Variants in RGMA observed in about 807,000 individuals in gnomAD.
RGMA encodes the protein repulsive guidance molecule A.
In RGMA, 10 loss-of-function variants were observed where a neutral mutation model predicts 23.2. The observed-to-expected ratio is 0.43, with a 90% CI of 0.27 to 0.73. RGMA has a LOEUF of 0.73. Among genes scored for constraint, RGMA ranks in the 30% least tolerant of loss-of-function variants. RGMA has a pLI of 0.20. For missense variants in RGMA, 547 were observed against 630.5 expected, an observed-to-expected ratio of 0.87 and a Z score of 1.42; for synonymous variants, 308 against 279.3, an observed-to-expected ratio of 1.10 and a Z score of -1.03.
At chr15:93,067,679 C>A (rs1895200776) in intron 2 of RGMA, among the ~76,000 whole-genome samples, 1 of 151,786 alleles carries the variant, frequency 6.6e-6, no homozygotes, top group Admixed American at 6.6e-5. Flanking sequence ...TATGGGGAGG[C>A]AAGCAGGGAG....
At chr15:93,047,298 A>C (rs979442727) in intron 3 of RGMA, among the ~76,000 whole-genome samples, 3 of 152,132 alleles carry the variant, frequency 2.0e-5, no homozygotes, top group Admixed American at 6.5e-5. Flanking sequence ...TGGGAGAGAA[A>C]AAACCACCCC....
At chr15:93,060,833 C>A (rs1183733407) in intron 2 of RGMA, among the ~76,000 whole-genome samples, 1 of 152,260 alleles carries the variant, frequency 6.6e-6, no homozygotes, top group Non-Finnish European at 1.5e-5. Context: ...CTCTGGACAG[C>A]TCCAGCTGTG....
intron 3 of RGMA, among the ~76,000 whole-genome samples, chr15:93,047,335 G>A (rs1422425443): frequency 6.6e-6 from 1 of 152,212 alleles, no homozygotes; most frequent in African/African-American, 2.4e-5. Flanking sequence ...CCAGGTGTCA[G>A]CTGTTTTGCC....
In RGMA at chr15:93,045,696, T is replaced by C. The variant is rs1215895515; in HGVS notation, c.655A>G (p.Ile219Val). The C allele has an allele frequency of 6.2e-7, 1 of 1,602,516 alleles. No homozygotes were observed. Among genetic ancestry groups the C allele is most frequent in the East Asian group, 2.2e-5 (1 of 44,842 alleles). ...ACACACTCCTGGAAGTTCTTGAAGATGATGGTGAGCTGCCGGGGAAAGGGG... is the reference window on the plus strand; with the variant it reads ...ACACACTCCTGGAAGTTCTTGAAGACGATGGTGAGCTGCCGGGGAAAGGGG... ...AATATSKLTI[I>V]FKNFQECVDQ... is the part of the protein sequence containing the mutation. The change falls in exon 4 of 4, where the codon ATC (isoleucine) becomes GTC (valine). Residue 219 changes from isoleucine (I) to valine (V), a missense_variant. Coordinates refer to ENST00000329082, the MANE Select transcript of RGMA (RefSeq NM_020211.3). The surrounding 1 kb of genome is among the most constrained non-coding windows in gnomAD (Gnocchi z 6.9).
At chr15:93,064,528 A>G (rs949599781) in intron 2 of RGMA, among the ~76,000 whole-genome samples, 14 of 152,166 alleles carry the variant, frequency 9.2e-5, no homozygotes, top group African/African-American at 3.4e-4. Flanking sequence ...GTGTGGGGGA[A>G]GAACAAATGC....
chr15:93,063,471 G>A (rs962351612), intron 2 of RGMA, among the ~76,000 whole-genome samples: 6 of 152,162 alleles, frequency 3.9e-5, no homozygotes, highest in Admixed American at 6.5e-5. Context: ...GCAGTATTCG[G>A]GAGTCTCTGA....
At position 93,043,989 on chromosome 15, in the gene RGMA, T is replaced by C. The variant is rs2054769243; in HGVS notation, c.*1009A>G. 1.3e-5 allele frequency: 2 copies of C among 152,250 alleles called. No homozygotes were observed. Among genetic ancestry groups the C allele is most frequent in the South Asian group, 4.1e-4 (2 of 4,832 alleles). The allele number at this position is 152,250 out of a possible 1,614,324, so 9.4% of individuals were successfully genotyped here. Reference sequence around the variant, plus strand: ...GGCCACAGGGCTTAAGGGAAGAGATTAGAGGTTGAAGACCCTGCCAGGGAT... The same window carrying C: ...GGCCACAGGGCTTAAGGGAAGAGATCAGAGGTTGAAGACCCTGCCAGGGAT... On this transcript the variant is annotated 3_prime_UTR_variant, in exon 4 of 4. Transcript: ENST00000329082.
At position 93,062,180 on chromosome 15, in the gene RGMA, G is replaced by A. The variant is rs932065955; in HGVS notation, c.131-9673C>T. On this transcript the variant is annotated intron_variant, in intron 2 of 3. Coordinates refer to ENST00000329082, the MANE Select transcript of RGMA (RefSeq NM_020211.3). ...TTTGTCCAACTCTGTGGCCTGCGTG[G>A]GAACTGCCTGAGTTCAATTACTTGC... 3.9e-5 allele frequency among the ~76,000 whole-genome samples: 6 copies of A among 152,244 alleles called. No individual in the cohort carries two copies. In the South Asian group the frequency reaches 8.3e-4, roughly 21 times the overall value.
chr15:93,066,570 A>G lies in RGMA; in HGVS notation c.130+6346T>C, dbSNP rs558042884. On this transcript the variant is annotated intron_variant, in intron 2 of 3. Coordinates refer to ENST00000329082, the MANE Select transcript of RGMA (RefSeq NM_020211.3). Reference sequence around the variant, plus strand: ...TGCTTTCTGGGGCTTCCCTGCGGGCACTGGTACCACCACCGCTACCACCCC... The same window carrying G: ...TGCTTTCTGGGGCTTCCCTGCGGGCGCTGGTACCACCACCGCTACCACCCC... 1.2e-3 allele frequency: 554 copies of G among 469,702 alleles called. 2 individuals carry two copies. Among genetic ancestry groups the G allele is most frequent in the African/African-American group, 0.01 (513 of 50,210 alleles). The allele number at this position is 469,702 out of a possible 1,614,324, so 29.1% of individuals were successfully genotyped here.
chr15:93,048,004 C>T (rs1400751195), intron 3 of RGMA, among the ~76,000 whole-genome samples: 2 of 152,142 alleles, frequency 1.3e-5, no homozygotes, highest in African/African-American at 4.8e-5. Flanking sequence ...CTCTGGGGCC[C>T]GGAGGCCAGG....
chr15:93,048,355 T>G (rs1387766172), intron 3 of RGMA, among the ~76,000 whole-genome samples: 1 of 152,166 alleles, frequency 6.6e-6, no homozygotes, highest in Non-Finnish European at 1.5e-5. Context: ...AGGGGCAGGC[T>G]GCTGGAGGAC....
intron 3 of RGMA, among the ~76,000 whole-genome samples, chr15:93,050,625 G>C (rs1170788576): frequency 1.3e-5 from 2 of 152,156 alleles, no homozygotes; most frequent in Admixed American, 1.3e-4. Flanking sequence ...ATCCATAATG[G>C]GGGCAGCAGC....
chr15:93,078,518 CCTGGGGT>C (rs1358994469), intron 1 of RGMA, among the ~76,000 whole-genome samples: 2 of 152,194 alleles, frequency 1.3e-5, no homozygotes, highest in African/African-American at 4.8e-5. Context: ...TAAGGGCCGT[CCTGGGGT>C]CTGGTCATCT....
intron 3 of RGMA, among the ~76,000 whole-genome samples, chr15:93,050,992 G>T (rs2054909130): frequency 6.6e-6 from 1 of 152,210 alleles, no homozygotes; most frequent in Admixed American, 6.5e-5. Context: ...GCGGAGGGCT[G>T]CGGGGGCACA....
intron 2 of RGMA, among the ~76,000 whole-genome samples, chr15:93,072,029 A>C (rs1163002187): frequency 6.6e-6 from 1 of 152,260 alleles, no homozygotes; most frequent in Non-Finnish European, 1.5e-5. Flanking sequence ...TGTGAGCAGC[A>C]TATGGCAAAA....
chr15:93,065,068 C>G (rs569994298), intron 2 of RGMA, among the ~76,000 whole-genome samples: 82 of 151,634 alleles, frequency 5.4e-4, no homozygotes, highest in African/African-American at 1.9e-3. Flanking sequence ...ACCTCCGCAT[C>G]CCAGGTTCAA....
At chr15:93,066,417 C>G in intron 2 of RGMA, 1 of 659,712 alleles carries the variant, frequency 1.5e-6, no homozygotes, top group Non-Finnish European at 2.8e-6. Context: ...CGGGGGTTTC[C>G]AAGGCCGCCG....
chr15:93,074,471 A>C (rs1262959735), intron 1 of RGMA, among the ~76,000 whole-genome samples: 1 of 152,196 alleles, frequency 6.6e-6, no homozygotes, highest in African/African-American at 2.4e-5. Context: ...CAGGTACACA[A>C]GGGGACCATA....
chr15:93,049,903 G>A (rs1244073523), intron 3 of RGMA, among the ~76,000 whole-genome samples: 3 of 152,210 alleles, frequency 2.0e-5, no homozygotes, highest in African/African-American at 7.2e-5. Context: ...TGGTAGTCGA[G>A]GTGGTCACAG....
Sources: allele counts gnomAD v4.1 joint callset (sites outside exome capture counted in the v4.1 genomes callset), GRCh38; gene constraint gnomAD v4.1.1; non-coding constraint Gnocchi (gnomAD v3.1); transcripts MANE v1.5; gene names NCBI Gene and HGNC (gene_info 2026-07-23, HGNC 2026-07-21).